SLC5A7: variants seen among roughly 807,000 people sequenced by gnomAD.
SLC5A7 encodes the protein solute carrier family 5 member 7.
In SLC5A7, 19 loss-of-function variants were observed where a neutral mutation model predicts 55.4. The ratio of observed to expected loss-of-function variants is 0.34; its 90% CI spans 0.24 to 0.50. SLC5A7 has a LOEUF of 0.50. Ranked by LOEUF, SLC5A7 falls within the 20% of genes least tolerant of loss-of-function variation. SLC5A7 has a pLI of 0.98. For synonymous variants in SLC5A7, 265 were observed against 263.7 expected, an observed-to-expected ratio of 1.00 and a Z score of -0.05; for missense variants, 506 against 705.3, an observed-to-expected ratio of 0.72 and a Z score of 3.20.
At chr2:107,993,493 C>T (rs564463684) in intron 4 of SLC5A7, among the ~76,000 whole-genome samples, 162 of 152,198 alleles carry the variant, frequency 1.1e-3, no homozygotes, top group African/African-American at 3.8e-3. Flanking sequence ...ATTCATGAAC[C>T]AGGGGTTAGT....
Position 108,012,334 on chromosome 2 carries a change from T to C in SLC5A7, c.*1473T>C, listed in dbSNP as rs1678364446. On this transcript the variant is annotated 3_prime_UTR_variant, in exon 9 of 9. Transcript: ENST00000264047. ...AATCTGATCCCATAAAGAAAGTGAGTCTGAATTGTTGAAACTAAAGCACTT... is the reference window on the plus strand; with the variant it reads ...AATCTGATCCCATAAAGAAAGTGAGCCTGAATTGTTGAAACTAAAGCACTT... 1 of 152,040 alleles carries C rather than the reference T, an allele frequency of 6.6e-6. No homozygotes were observed. Among genetic ancestry groups the C allele is most frequent in the African/African-American group, 2.4e-5 (1 of 41,400 alleles). The allele number at this position is 152,040 out of a possible 1,614,324, so 9.4% of individuals were successfully genotyped here.
At chr2:107,999,883 G>T (rs898830032) in intron 5 of SLC5A7, among the ~76,000 whole-genome samples, 1 of 151,882 alleles carries the variant, frequency 6.6e-6, no homozygotes, top group African/African-American at 2.4e-5. Context: ...CCTTCATCTA[G>T]GTGGAATTGA....
At chr2:107,997,774 T>G in intron 4 of SLC5A7, 64 bp from the exon 5 acceptor site, 2 of 1,434,356 alleles carry the variant, frequency 1.4e-6, no homozygotes, top group Non-Finnish European at 1.8e-6. Context: ...TTTCATTATG[T>G]CCTTATACAA....
At chr2:108,004,925 T>A (rs1394909968) in intron 6 of SLC5A7, among the ~76,000 whole-genome samples, 1 of 152,202 alleles carries the variant, frequency 6.6e-6, no homozygotes, top group African/African-American at 2.4e-5. Context: ...GTTTATCATT[T>A]TAATTCCCAT....
At chr2:108,001,449 G>A (rs915455386) in intron 5 of SLC5A7, among the ~76,000 whole-genome samples, 33 of 151,786 alleles carry the variant, frequency 2.2e-4, no homozygotes, top group African/African-American at 7.0e-4. Context: ...CGAGGCGGGC[G>A]GATCACGAGG....
intron 1 of SLC5A7, among the ~76,000 whole-genome samples, chr2:107,987,886 T>C (rs76432786): frequency 6.6e-6 from 1 of 152,238 alleles, no homozygotes; most frequent in African/African-American, 2.4e-5. Flanking sequence ...CGTTTTTTTT[T>C]CTGTTTCTTG....
chr2:107,994,572 T>C (rs1222289458), intron 4 of SLC5A7, among the ~76,000 whole-genome samples: 2 of 151,630 alleles, frequency 1.3e-5, no homozygotes, highest in South Asian at 4.2e-4. Context: ...GGCGACAGAG[T>C]GAGACTCTGT....
At chr2:107,993,494 A>G (rs1046246383) in intron 4 of SLC5A7, among the ~76,000 whole-genome samples, 3 of 152,244 alleles carry the variant, frequency 2.0e-5, no homozygotes, top group African/African-American at 7.2e-5. Flanking sequence ...TTCATGAACC[A>G]GGGGTTAGTG....
chr2:107,991,764 G>T (rs1420910143), intron 2 of SLC5A7, among the ~76,000 whole-genome samples: 1 of 152,038 alleles, frequency 6.6e-6, no homozygotes, highest in African/African-American at 2.4e-5. Context: ...AATGCATTTA[G>T]AAAACATCTA....
At chr2:108,009,938 C>T (rs1021454267) in intron 8 of SLC5A7, among the ~76,000 whole-genome samples, 3 of 152,122 alleles carry the variant, frequency 2.0e-5, no homozygotes, top group African/African-American at 4.8e-5. Context: ...ATTATACCTC[C>T]CTGACACCAT....
intron 7 of SLC5A7, among the ~76,000 whole-genome samples, chr2:108,008,088 T>A (rs1356153997): frequency 6.6e-6 from 1 of 152,190 alleles, no homozygotes; most frequent in East Asian, 1.9e-4. Context: ...TACACATGAA[T>A]AACTGAGCCT....
intron 4 of SLC5A7, among the ~76,000 whole-genome samples, chr2:107,995,977 A>G (rs1201696445): frequency 6.6e-6 from 1 of 152,146 alleles, no homozygotes; most frequent in East Asian, 1.9e-4. Context: ...AGAAAATTTT[A>G]TCTCAATTTT....
intron 6 of SLC5A7, 125 bp downstream of exon 6, chr2:108,002,165 ACT>A: frequency 4.3e-6 from 5 of 1,153,824 alleles, no homozygotes; most frequent in Non-Finnish European, 6.0e-6. Context: ...TGAATTGAGG[ACT>A]CTCTATCGGG....
At chr2:107,986,847 G>A (rs1016079425) in intron 1 of SLC5A7, 84 bp downstream of exon 1, 1 of 152,304 alleles carries the variant, frequency 6.6e-6, no homozygotes, top group Non-Finnish European at 1.5e-5. Flanking sequence ...GGTTTTAGAG[G>A]GGAGGGACGC....
chr2:108,001,991 C>G lies in SLC5A7; in HGVS notation c.692C>G (p.Thr231Ser). 2 of 1,614,246 alleles carry G rather than the reference C, an allele frequency of 1.2e-6. No individual in the cohort carries two copies. Among genetic ancestry groups the G allele is most frequent in the Non-Finnish European group, 1.7e-6 (2 of 1,180,034 alleles). The change falls in exon 6 of 9, where the codon ACT becomes AGT. Residue 231 changes from threonine (T) to serine (S), a missense_variant. Physicochemically the swap from Thr to Ser is moderately conservative, Grantham distance 58. Around this residue, in one of 4 missense-constraint regions of SLC5A7, gnomAD observed 309 missense variants for 478.6 expected, o/e 0.65. Transcript: ENST00000264047. ...HAKYQKPWLGTVDSSEVYSWL... is the reference protein window; with the variant it reads ...HAKYQKPWLGSVDSSEVYSWL... ...AAATACCAAAAGCCGTGGCTGGGAACTGTTGACTCATCTGAAGTCTACTCT... is the reference window on the plus strand; with the variant it reads ...AAATACCAAAAGCCGTGGCTGGGAAGTGTTGACTCATCTGAAGTCTACTCT...
chr2:108,003,884 C>T (rs1678009919), intron 6 of SLC5A7, among the ~76,000 whole-genome samples: 1 of 152,248 alleles, frequency 6.6e-6, no homozygotes, highest in African/African-American at 2.4e-5. Flanking sequence ...AAATCTCAGA[C>T]CAGGGTACCA....
intron 4 of SLC5A7, 38 bp from the exon 5 acceptor site, chr2:107,997,800 T>C: frequency 6.4e-7 from 1 of 1,566,260 alleles, no homozygotes; most frequent in South Asian, 1.2e-5. Context: ...AGAATCTGTC[T>C]GGGCACCTTG....
At chr2:107,999,893 A>T (rs1333705033) in intron 5 of SLC5A7, among the ~76,000 whole-genome samples, 1 of 152,198 alleles carries the variant, frequency 6.6e-6, no homozygotes, top group African/African-American at 2.4e-5. Context: ...GGTGGAATTG[A>T]AATCACCTAC....
chr2:107,992,128 T>C lies in SLC5A7; in HGVS notation c.201T>C (p.Tyr67=), dbSNP rs1191825686. The change falls in exon 3 of 9, where the codon TAT becomes TAC. Residue 67 remains tyrosine, a synonymous_variant. Transcript: ENST00000264047. ...CAGCTACCTGGGTCGGAGGAGGGTA[T>C]ATCAATGGCACAGCTGAAGCAGTTT... ...TMTATWVGGG[Y]INGTAEAVYV... 6.2e-7 allele frequency: 1 copy of C among 1,613,640 alleles called. No individual in the cohort carries two copies. Among genetic ancestry groups the C allele is most frequent in the Non-Finnish European group, 8.5e-7 (1 of 1,179,598 alleles).
Sources: allele counts gnomAD v4.1 joint callset (sites outside exome capture counted in the v4.1 genomes callset), GRCh38; gene constraint gnomAD v4.1.1; regional missense constraint gnomAD v4.1.1; transcripts MANE v1.5; gene names NCBI Gene and HGNC (gene_info 2026-07-23, HGNC 2026-07-21).